The following STPG4 variants were observed in gnomAD, a reference collection of about 807,000 sequenced individuals.
STPG4 encodes protein STPG4.
A neutral mutation model predicts 31.5 loss-of-function variants in STPG4; 41 were observed. The observed-to-expected ratio is 1.30, with a 90% confidence interval of 1.01 to 1.69. The LOEUF (loss-of-function observed/expected upper bound fraction) is 1.69, where lower values mean the gene tolerates loss of function less well. Ranked by LOEUF, STPG4 falls within the 40% of genes most tolerant of loss-of-function variation. The pLI is 0.00. For missense variants in STPG4, 375 were observed against 293.4 expected, an observed-to-expected ratio of 1.28 and a Z score of -2.03; for synonymous variants, 141 against 103.0, an observed-to-expected ratio of 1.37 and a Z score of -2.24.
intron 5 of STPG4, among the ~76,000 whole-genome samples, chr2:47,125,914 G>C (rs980132163): frequency 1.1e-4 from 17 of 151,978 alleles, no homozygotes; most frequent in African/African-American, 2.7e-4. Flanking sequence ...CAAGAGATAG[G>C]GTTCTAGTTT....
At chr2:47,150,287 C>T (rs576239911) in intron 3 of STPG4, among the ~76,000 whole-genome samples, 1 of 152,328 alleles carries the variant, frequency 6.6e-6, no homozygotes, top group African/African-American at 2.4e-5. Context: ...TTGAACTCTC[C>T]TTTGGCATTT....
intron 1 of STPG4, among the ~76,000 whole-genome samples, chr2:47,153,398 C>G (rs926920032): frequency 6.6e-6 from 1 of 152,164 alleles, no homozygotes; most frequent in African/African-American, 2.4e-5. Flanking sequence ...GTGAGTTACC[C>G]AACCCTCGTG....
At chr2:47,137,355 T>A (rs888162290) in intron 3 of STPG4, among the ~76,000 whole-genome samples, 5 of 152,234 alleles carry the variant, frequency 3.3e-5, no homozygotes, top group Non-Finnish European at 7.3e-5. Context: ...TATAATTTTT[T>A]AATACATTGT....
chr2:47,119,084 T>A (rs2103765446), intron 5 of STPG4, among the ~76,000 whole-genome samples: 1 of 152,336 alleles, frequency 6.6e-6, no homozygotes, highest in East Asian at 1.9e-4. Context: ...AAACATTGCT[T>A]CTTTACCACA....
intron 5 of STPG4, among the ~76,000 whole-genome samples, chr2:47,098,244 G>C (rs987836603): frequency 6.6e-6 from 1 of 152,224 alleles, no homozygotes; most frequent in Non-Finnish European, 1.5e-5. Context: ...CGCACTGACA[G>C]CTCCCCACAG....
intron 5 of STPG4, among the ~76,000 whole-genome samples, chr2:47,127,109 ATCTC>A (rs772837817): frequency 1.6e-4 from 24 of 151,526 alleles, no homozygotes; most frequent in African/African-American, 3.6e-4. Flanking sequence ...TTCTACTTCA[ATCTC>A]TCTCTCTATC....
intron 5 of STPG4, among the ~76,000 whole-genome samples, chr2:47,107,380 G>A (rs1558674907): frequency 6.6e-6 from 1 of 152,168 alleles, no homozygotes; most frequent in African/African-American, 2.4e-5. Flanking sequence ...CGGAGCAGCT[G>A]GCCGGCCCTG....
chr2:47,119,909 A>G (rs910623709), intron 5 of STPG4, among the ~76,000 whole-genome samples: 6 of 152,226 alleles, frequency 3.9e-5, no homozygotes, highest in African/African-American at 1.4e-4. Context: ...TAAATTATAT[A>G]TGGAGGTTAT....
In STPG4 at chr2:47,143,988, G is replaced by T. The variant is rs137954667; in HGVS notation, c.399+7270C>A. Among the ~76,000 whole-genome samples, 729 of 152,210 alleles carry T rather than the reference G, an allele frequency of 4.8e-3. 6 individuals are homozygous for T. The highest frequency in any genetic ancestry group is 5.3e-3 in the Non-Finnish European group (360 of 68,014). On this transcript the variant is annotated intron_variant, in intron 3 of 6. Coordinates refer to ENST00000445927, the MANE Select transcript of STPG4 (RefSeq NM_001163561.2). Reference sequence around the variant, plus strand: ...TTCAGTAATGATTCACTGGCTACAGGCTGAGACAGCATCACCATCTTCTCC... The same window carrying T: ...TTCAGTAATGATTCACTGGCTACAGTCTGAGACAGCATCACCATCTTCTCC...
rs149103620 is a variant in STPG4, at chr2:47,141,976, G to A, written c.399+9282C>T. The stretch of plus-strand genomic sequence containing the variant: ...TCACCATTACTGCTGCAGTGTGGCT[G>A]GTCAGCCCTTCTGTGGGCACAAACT... On this transcript the variant is annotated intron_variant, in intron 3 of 6. Coordinates refer to ENST00000445927, the MANE Select transcript of STPG4 (RefSeq NM_001163561.2). Among the ~76,000 whole-genome samples, 836 of 147,960 alleles carry A rather than the reference G, an allele frequency of 5.7e-3. 3 individuals carry two copies. The highest frequency in any genetic ancestry group is 1.0e-2 in the Non-Finnish European group (671 of 67,200).
At chr2:47,106,422 T>C (rs986915235) in intron 5 of STPG4, among the ~76,000 whole-genome samples, 12 of 151,970 alleles carry the variant, frequency 7.9e-5, no homozygotes, top group Non-Finnish European at 7.3e-5. Flanking sequence ...TGGCTGCTGC[T>C]ACAGGAACCG....
At chr2:47,136,569 A>G (rs1407717093) in intron 3 of STPG4, among the ~76,000 whole-genome samples, 1 of 152,222 alleles carries the variant, frequency 6.6e-6, no homozygotes, top group Non-Finnish European at 1.5e-5. Flanking sequence ...GTCATTATAT[A>G]TGTGTGTGTT....
At chr2:47,105,422 A>G (rs1482700912) in intron 5 of STPG4, among the ~76,000 whole-genome samples, 4 of 152,072 alleles carry the variant, frequency 2.6e-5, no homozygotes, top group Admixed American at 1.3e-4. Context: ...CTATCAGACA[A>G]CTGCCTACTT....
rs111818218 is a variant in STPG4 at position 47,091,154 on chromosome 2, G to A, written c.520-780C>T. On this transcript the variant is annotated intron_variant, in intron 5 of 6. Coordinates refer to ENST00000445927, the MANE Select transcript of STPG4 (RefSeq NM_001163561.2). The stretch of plus-strand genomic sequence containing the variant: ...AAGGAAGGAAAGAAGGAAGGGAAGG[G>A]AGGGAGGGAGGGAGGGAGGGGAAGG... 5.8e-3 allele frequency among the ~76,000 whole-genome samples: 837 copies of A among 144,940 alleles called. 6 individuals are homozygous for A. The highest frequency in any genetic ancestry group is 9.5e-3 in the Non-Finnish European group (633 of 66,410).
Position 47,130,230 on chromosome 2 carries a change from C to G in STPG4, c.430G>C (p.Val144Leu). The G allele has an allele frequency of 6.2e-7, 1 of 1,614,062 alleles. No individual in the cohort carries two copies. Among genetic ancestry groups the G allele is most frequent in the Non-Finnish European group, 8.5e-7 (1 of 1,179,950 alleles). ...SLQLSPGQYN[V>L]LPAPVPKYAS... ...TATTTGGGAACTGGTGCAGGAAGCA[C>G]GTTGTATTGCCCCGGAGAAAGCTGA... The change falls in exon 4 of 7, where the codon GTG becomes CTG. Residue 144 changes from valine (V) to leucine (L), a missense_variant. Coordinates refer to ENST00000445927, the MANE Select transcript of STPG4 (RefSeq NM_001163561.2).
chr2:47,139,784 T>A (rs779461906), intron 3 of STPG4, among the ~76,000 whole-genome samples: 21 of 152,116 alleles, frequency 1.4e-4, no homozygotes, highest in Admixed American at 3.3e-4. Flanking sequence ...TTAATTGGTG[T>A]AGTTAGACCA....
intron 3 of STPG4, among the ~76,000 whole-genome samples, chr2:47,147,200 G>T (rs1227099774): frequency 6.6e-6 from 1 of 152,106 alleles, no homozygotes; most frequent in Non-Finnish European, 1.5e-5. Flanking sequence ...GACTAGAGAA[G>T]TCCATTCAGT....
Position 47,126,534 on chromosome 2 carries a change from C to G in STPG4, c.519+3407G>C, listed in dbSNP as rs146537136. 8.5e-5 allele frequency among the ~76,000 whole-genome samples: 13 copies of G among 152,220 alleles called. No homozygotes were observed. The East Asian group carries it at 2.5e-3, about 29-fold the overall frequency. On this transcript the variant is annotated intron_variant, in intron 5 of 6. Coordinates refer to ENST00000445927, the MANE Select transcript of STPG4 (RefSeq NM_001163561.2). ...TAGAGATGGAGTCTCTCTATGTTGC[C>G]TAGGCTGGTCTTGAACTGCTGGACT...
chr2:47,118,979 A>G (rs1391265819), intron 5 of STPG4, among the ~76,000 whole-genome samples: 5 of 152,266 alleles, frequency 3.3e-5, no homozygotes, highest in African/African-American at 1.2e-4. Flanking sequence ...AAAATCAACC[A>G]AATGAGTTTT....
Sources: gnomAD v4.1 joint callset for allele counts (sites outside exome capture counted in the v4.1 genomes callset) on GRCh38, gnomAD v4.1.1 for gene constraint, MANE v1.5 for transcripts, NCBI Gene and HGNC (gene_info 2026-07-23, HGNC 2026-07-21) for gene names.